SEPTIN7: variants seen among roughly 807,000 people sequenced by gnomAD.
SEPTIN7 encodes the protein septin 7.
SEPTIN7 carries 10 observed loss-of-function variants against 63.3 expected under a neutral mutation model. The ratio of observed to expected loss-of-function variants is 0.16; its 90% CI spans 0.10 to 0.27. The LOEUF (loss-of-function observed/expected upper bound fraction) is 0.27. Among genes scored for constraint, SEPTIN7 ranks in the 10% least tolerant of loss-of-function variants. The pLI, the probability that SEPTIN7 is intolerant of heterozygous loss-of-function variation, is 1.00. For synonymous variants in SEPTIN7, 131 were observed against 165.3 expected (o/e 0.79, Z 1.59); for missense variants, 310 against 521.0 (o/e 0.59, Z 3.94).
At chr7:35,888,677 G>T (rs537216879) in intron 10 of SEPTIN7, 1 of 171,084 alleles carries the variant, frequency 5.8e-6, no homozygotes, top group Non-Finnish European at 1.3e-5. Context: ...AGAAATAGTC[G>T]GGCGTGGTGG....
intron 1 of SEPTIN7, chr7:35,802,407 A>G (rs1311907095): frequency 6.3e-6 from 1 of 158,964 alleles, no homozygotes; most frequent in East Asian, 1.8e-4. Context: ...TTTCTTAGTT[A>G]CTGAAATAAT....
chr7:35,807,351 ATTTTTTTTTTTTTTT>A (rs70974769), intron 1 of SEPTIN7, among the ~76,000 whole-genome samples: 2 of 22,190 alleles, frequency 9.0e-5, no homozygotes, highest in Non-Finnish European at 1.5e-4. Flanking sequence ...GCCCGGCTGA[ATTTTTTTTTTTTTTT>A]TTTTTTTTTT....
intron 4 of SEPTIN7, among the ~76,000 whole-genome samples, chr7:35,869,712 T>C (rs763667723): frequency 2.0e-5 from 3 of 152,206 alleles, no homozygotes; most frequent in Non-Finnish European, 4.4e-5. Context: ...TCTTGTATAC[T>C]GTATACACTC....
intron 3 of SEPTIN7, among the ~76,000 whole-genome samples, chr7:35,848,528 G>A (rs1251798186): frequency 3.3e-5 from 5 of 151,980 alleles, no homozygotes; most frequent in Non-Finnish European, 7.4e-5. Context: ...TTTTTAAGGA[G>A]GAATGTGTAT....
chr7:35,892,114 T>C (rs1787686100), intron 11 of SEPTIN7, among the ~76,000 whole-genome samples: 1 of 152,198 alleles, frequency 6.6e-6, no homozygotes, highest in Non-Finnish European at 1.5e-5. Context: ...AAAACCATTT[T>C]AAATAATGTG....
chr7:35,887,625 G>A (rs1042194310), intron 10 of SEPTIN7, among the ~76,000 whole-genome samples: 15 of 152,190 alleles, frequency 9.9e-5, no homozygotes, highest in African/African-American at 3.6e-4. Context: ...GGGATTACGG[G>A]CTTGAGCCAC....
chr7:35,835,975 T>C (rs1056908034), intron 3 of SEPTIN7, among the ~76,000 whole-genome samples: 4 of 152,182 alleles, frequency 2.6e-5, no homozygotes, highest in Admixed American at 1.3e-4. Flanking sequence ...ATGGATGATA[T>C]AAGGAATTTT....
At chr7:35,909,862 ACATT>A, downstream of SEPTIN7, among the ~76,000 whole-genome samples, 1 of 152,384 alleles carries the variant, frequency 6.6e-6, no homozygotes, top group East Asian at 1.9e-4. Context: ...TGTAATAGTA[ACATT>A]CATTATCTTA....
At chr7:35,813,398 A>G (rs552938085) in intron 1 of SEPTIN7, among the ~76,000 whole-genome samples, 1 of 151,270 alleles carries the variant, frequency 6.6e-6, no homozygotes, top group South Asian at 2.1e-4. Flanking sequence ...TCTGTCACCC[A>G]GACTGGAGTG....
At chr7:35,872,465 A>G (rs2116216136) in intron 4 of SEPTIN7, among the ~76,000 whole-genome samples, 1 of 152,262 alleles carries the variant, frequency 6.6e-6, no homozygotes, top group South Asian at 2.1e-4. Flanking sequence ...GACTATTTGT[A>G]TATATGCTTT....
downstream of SEPTIN7, among the ~76,000 whole-genome samples, chr7:35,911,880 C>T (rs1412899146): frequency 6.6e-6 from 1 of 152,144 alleles, no homozygotes; most frequent in Non-Finnish European, 1.5e-5. Flanking sequence ...CACACCCGAC[C>T]TTAATGCCAG....
intron 3 of SEPTIN7, among the ~76,000 whole-genome samples, chr7:35,838,323 TCCCTCCCTCCCTCCCTCCCTCCCTCCCTC>T (rs1562537093): frequency 5.7e-4 from 1 of 1,742 alleles, no homozygotes; most frequent in African/African-American, 2.4e-3. Context: ...CCTCCCTCCC[TCCCTCCCTCCCTCCCTCCCTCCCTCCCTC>T]CCTCCCTCCC....
At chr7:35,821,689 G>C (rs1789418417) in intron 1 of SEPTIN7, among the ~76,000 whole-genome samples, 2 of 152,220 alleles carry the variant, frequency 1.3e-5, no homozygotes, top group South Asian at 4.1e-4. Context: ...CTTTAAGTAA[G>C]TGGTTTAAGT....
At chr7:35,888,544 G>T (rs1445525370) in intron 10 of SEPTIN7, among the ~76,000 whole-genome samples, 1 of 152,080 alleles carries the variant, frequency 6.6e-6, no homozygotes, top group Non-Finnish European at 1.5e-5. Context: ...ATCAGGCCAG[G>T]TGCAGTGGTT....
chr7:35,894,807 A>G (rs1215186144), intron 11 of SEPTIN7, among the ~76,000 whole-genome samples: 3 of 152,200 alleles, frequency 2.0e-5, no homozygotes, highest in African/African-American at 7.2e-5. Flanking sequence ...TTTAAATGAA[A>G]CATGATTGTC....
At chr7:35,893,386 T>C (rs1787765732) in intron 11 of SEPTIN7, among the ~76,000 whole-genome samples, 1 of 152,178 alleles carries the variant, frequency 6.6e-6, no homozygotes, top group South Asian at 2.1e-4. Flanking sequence ...GGTTTTAGAA[T>C]ATAAGCTAAA....
intron 6 of SEPTIN7, among the ~76,000 whole-genome samples, chr7:35,876,798 G>A (rs1398807530): frequency 2.6e-5 from 4 of 151,996 alleles, no homozygotes; most frequent in African/African-American, 9.7e-5. Context: ...GTGAAACCTC[G>A]TCTCTACTAA....
chr7:35,893,081 C>T, intron 11 of SEPTIN7, among the ~76,000 whole-genome samples: 1 of 152,114 alleles, frequency 6.6e-6, no homozygotes, highest in Non-Finnish European at 1.5e-5. Flanking sequence ...TCATTAACAA[C>T]TTATGGTGCT....
chr7:35,859,088 T>C (rs1785366481), intron 3 of SEPTIN7, among the ~76,000 whole-genome samples: 1 of 152,208 alleles, frequency 6.6e-6, no homozygotes, highest in African/African-American at 2.4e-5. Flanking sequence ...TTCCTTATGG[T>C]GTAAACATAG....
Sources: gnomAD v4.1 joint callset for allele counts (sites outside exome capture counted in the v4.1 genomes callset) on GRCh38, gnomAD v4.1.1 for gene constraint, MANE v1.5 for transcripts, NCBI Gene and HGNC (gene_info 2026-07-23, HGNC 2026-07-21) for gene names.